Variants in TLX2 observed in about 807,000 individuals in gnomAD.
The protein encoded by TLX2 is T-cell leukemia homeobox protein 2.
A neutral mutation model predicts 21.7 loss-of-function variants in TLX2; 15 were observed. That is an observed-to-expected ratio of 0.69 (90% CI 0.46 to 1.07). TLX2 has a LOEUF of 1.07. Among genes scored for constraint, TLX2 ranks in the 50% least tolerant of loss-of-function variants. The pLI is 0.00. For missense variants in TLX2, 384 were observed against 409.1 expected (o/e 0.94, Z 0.53); for synonymous variants, 213 against 193.1 (o/e 1.10, Z -0.85).
chr2:74,516,440 G>A lies in TLX2; in HGVS notation c.*251G>A. 1 of 1,390,044 alleles carries A rather than the reference G, an allele frequency of 7.2e-7. No individual in the cohort carries two copies. The highest frequency in any genetic ancestry group is 9.4e-7 in the Non-Finnish European group (1 of 1,068,354). 86.1% of individuals were successfully genotyped at this position (1,390,044 alleles called of 1,614,324 possible). ...CCCTCGCTGGAACCTGAGGCGCCGA[G>A]AGGGCGGGACCTGCAGGACAGTAGC... On this transcript the variant is annotated 3_prime_UTR_variant, in exon 3 of 3. Coordinates refer to ENST00000233638, the MANE Select transcript of TLX2 (RefSeq NM_016170.5).
rs1259734386 is a variant in TLX2, at chr2:74,516,492, C to T, written c.*303C>T. On this transcript the variant is annotated 3_prime_UTR_variant, in exon 3 of 3. Coordinates refer to ENST00000233638, the MANE Select transcript of TLX2 (RefSeq NM_016170.5). The stretch of plus-strand genomic sequence containing the variant: ...AATGAGGTGCGGGGAGGGGGCCGGG[C>T]TGGCCAATGGGAGCTGCTTTCCTGA... 1.6e-6 allele frequency: 2 copies of T among 1,272,656 alleles called. No homozygotes were observed. Among genetic ancestry groups the T allele is most frequent in the African/African-American group, 1.6e-5 (1 of 63,448 alleles). The allele number at this position is 1,272,656 out of a possible 1,614,324, so 78.8% of individuals were successfully genotyped here.
rs1674860637 is a variant in TLX2 at position 74,515,518 on chromosome 2, G to A, written c.401-115G>A. On this transcript the variant is annotated intron_variant, in intron 1 of 2. Coordinates refer to ENST00000233638, the MANE Select transcript of TLX2 (RefSeq NM_016170.5). The surrounding 1 kb of genome is among the most constrained non-coding windows in gnomAD (Gnocchi z 6.6). ...GCTATAGGGCTCGGCTGATGCTTAGGGCCCGGGTAAGGACAGGGCGCGGGA... is the reference window on the plus strand; with the variant it reads ...GCTATAGGGCTCGGCTGATGCTTAGAGCCCGGGTAAGGACAGGGCGCGGGA... 5.1e-6 allele frequency: 6 copies of A among 1,179,256 alleles called. No individual in the cohort carries two copies. Among genetic ancestry groups the A allele is most frequent in the Non-Finnish European group, 7.2e-6 (6 of 832,058 alleles). 73.0% of individuals were successfully genotyped at this position (1,179,256 alleles called of 1,614,324 possible). A position where few individuals can be genotyped will look rare whatever the true frequency, so the allele number is the denominator to read the frequency against.
At position 74,516,347 on chromosome 2, in the gene TLX2, C is replaced by T. The variant is rs1211621844; in HGVS notation, c.*158C>T. ...CACCACCGGCCGGCTCCCAAGCCAG[C>T]GTTGCGCAGATGCACGGCCAGCTCA... On this transcript the variant is annotated 3_prime_UTR_variant, in exon 3 of 3. Coordinates refer to ENST00000233638, the MANE Select transcript of TLX2 (RefSeq NM_016170.5). 18 of 1,520,814 alleles carry T rather than the reference C, an allele frequency of 1.2e-5. No homozygotes were observed. Among genetic ancestry groups the T allele is most frequent in the Admixed American group, 2.0e-5 (1 of 49,690 alleles). 94.2% of individuals were successfully genotyped at this position (1,520,814 alleles called of 1,614,324 possible).
Position 74,516,086 on chromosome 2 carries a change from C to T in TLX2, c.752C>T (p.Pro251Leu). The change falls in exon 3 of 3, where the codon CCT becomes CTT. Residue 251 changes from proline (P) to leucine (L), a missense_variant. Pro to Leu is a moderately conservative substitution (Grantham distance 98). Transcript: ENST00000233638. The stretch of plus-strand genomic sequence containing the variant: ...CTGCGGCCGCCGCTGCCCCCGGACC[C>T]TCTCTGCCTGCACAACTCGTCGCTC... ...RPLRPPLPPD[P>L]LCLHNSSLFA... 6.2e-7 allele frequency: 1 copy of T among 1,607,022 alleles called. No individual in the cohort carries two copies. Among genetic ancestry groups the T allele is most frequent in the South Asian group, 1.1e-5 (1 of 90,426 alleles).
At position 74,516,078 on chromosome 2, in the gene TLX2, C is replaced by T. The variant is rs762034413; in HGVS notation, c.744C>T (p.Pro248=). ...CACGGCCGCTGCGGCCGCCGCTGCC[C>T]CCGGACCCTCTCTGCCTGCACAACT... ...ALPRPLRPPL[P]PDPLCLHNSS... is the part of the protein sequence containing the mutation. The change falls in exon 3 of 3, where the codon CCC becomes CCT. Residue 248 remains proline (P), a synonymous_variant. Transcript: ENST00000233638. The T allele has an allele frequency of 1.2e-6, 2 of 1,601,390 alleles. No individual in the cohort carries two copies. The highest frequency in any genetic ancestry group is 2.7e-5 in the African/African-American group (2 of 73,390).
chr2:74,516,282 GA>G lies in TLX2; in HGVS notation c.*94del, dbSNP rs1333650542. ...ATGGTCTAGTGGCAGCCGGGCGCGT[GA>G]GGAGCGGCAGGCCTTGAGGCTGTCG... is the stretch of plus-strand genomic sequence containing the variant. On this transcript the variant is annotated 3_prime_UTR_variant, in exon 3 of 3. Coordinates refer to ENST00000233638, the MANE Select transcript of TLX2 (RefSeq NM_016170.5). The G allele has an allele frequency of 4.6e-6, 7 of 1,532,088 alleles. No homozygotes were observed. The African/African-American group carries it at 9.7e-5, about 21-fold the overall frequency. The allele number at this position is 1,532,088 out of a possible 1,614,324, so 94.9% of individuals were successfully genotyped here. A position where few individuals can be genotyped will look rare whatever the true frequency, so the allele number is the denominator to read the frequency against.
Position 74,515,527 on chromosome 2 carries a change from A to T in TLX2, c.401-106A>T. The T allele has an allele frequency of 8.2e-7, 1 of 1,225,044 alleles. No individual in the cohort carries two copies. Among genetic ancestry groups the T allele is most frequent in the South Asian group, 1.4e-5 (1 of 70,246 alleles). The allele number at this position is 1,225,044 out of a possible 1,614,324, so 75.9% of individuals were successfully genotyped here. The stretch of plus-strand genomic sequence containing the variant: ...CTCGGCTGATGCTTAGGGCCCGGGT[A>T]AGGACAGGGCGCGGGAGTTCTGCGG... On this transcript the variant is annotated intron_variant, in intron 1 of 2. Transcript: ENST00000233638. This position sits in a 1 kb window ranked among gnomAD's most constrained non-coding sequence, Gnocchi z 6.6.
chr2:74,515,786 C>T lies in TLX2; in HGVS notation c.554C>T (p.Ala185Val), dbSNP rs746483783. 29 of 1,613,058 alleles carry T rather than the reference C, an allele frequency of 1.8e-5. 1 individual carries two copies. The South Asian group carries it at 2.9e-4, about 16-fold the overall frequency. ...CTGCGCCAGAAGTACCTGGCCTCTGCGGAGAGGGCGGCGCTGGCCAAGGCC... is the reference window on the plus strand; with the variant it reads ...CTGCGCCAGAAGTACCTGGCCTCTGTGGAGAGGGCGGCGCTGGCCAAGGCC... ...RFLRQKYLAS[A>V]ERAALAKALR... The change falls in exon 2 of 3, where the codon GCG becomes GTG. Residue 185 changes from alanine to valine, a missense_variant. Ala to Val is a moderately conservative substitution (Grantham distance 64, BLOSUM62 0). Coordinates refer to ENST00000233638, the MANE Select transcript of TLX2 (RefSeq NM_016170.5). The surrounding 1 kb of genome is among the most constrained non-coding windows in gnomAD (Gnocchi z 6.6).
At position 74,515,256 on chromosome 2, in the gene TLX2, C is replaced by A. The variant is rs1339131589; in HGVS notation, c.400+50C>A. 6 of 1,535,072 alleles carry A rather than the reference C, an allele frequency of 3.9e-6. No individual in the cohort carries two copies. In the Admixed American group the frequency reaches 1.2e-4, roughly 30 times the overall value. ...GTCACGCCCGACTCTGACCCCGTCTCCTCATTTCTTAGCTTTCTGCTCCAA... is the reference window on the plus strand; with the variant it reads ...GTCACGCCCGACTCTGACCCCGTCTACTCATTTCTTAGCTTTCTGCTCCAA... On this transcript the variant is annotated intron_variant, in intron 1 of 2. Transcript: ENST00000233638. This position sits in a 1 kb window ranked among gnomAD's most constrained non-coding sequence, Gnocchi z 6.6.
rs745339026 is a variant in TLX2 at position 74,515,946 on chromosome 2, C to G, written c.639-27C>G. On this transcript the variant is annotated intron_variant, in intron 2 of 2. Coordinates refer to ENST00000233638, the MANE Select transcript of TLX2 (RefSeq NM_016170.5). This position sits in a 1 kb window ranked among gnomAD's most constrained non-coding sequence, Gnocchi z 6.6. ...GTGAGAAGCGACGCGGCGGGCGCCC[C>G]GCTGACCCCGCGTCTCCCTCCCTTA... 2 of 1,481,898 alleles carry G rather than the reference C, an allele frequency of 1.3e-6. No homozygotes were observed. Among genetic ancestry groups the G allele is most frequent in the Non-Finnish European group, 1.8e-6 (2 of 1,124,224 alleles). The allele number at this position is 1,481,898 out of a possible 1,614,324, so 91.8% of individuals were successfully genotyped here.
rs750690618 is a variant in TLX2 at position 74,514,771 on chromosome 2, C to A, written c.-36C>A. ...CGCTGCCTGAGGCATCCTCCCCAACCACCGAACCTCCGGCGGTTCTCCTCG... is the reference window on the plus strand; with the variant it reads ...CGCTGCCTGAGGCATCCTCCCCAACAACCGAACCTCCGGCGGTTCTCCTCG... On this transcript the variant is annotated 5_prime_UTR_variant, in exon 1 of 3. Coordinates refer to ENST00000233638, the MANE Select transcript of TLX2 (RefSeq NM_016170.5). The surrounding 1 kb of genome is among the most constrained non-coding windows in gnomAD (Gnocchi z 5.0). 6.2e-7 allele frequency: 1 copy of A among 1,611,040 alleles called. No individual in the cohort carries two copies. The highest frequency in any genetic ancestry group is 8.5e-7 in the Non-Finnish European group (1 of 1,179,160).
rs1674834845 is a variant in TLX2, at chr2:74,514,697, G to T, written c.-110G>T. 5 of 1,548,266 alleles carry T rather than the reference G, an allele frequency of 3.2e-6. No individual in the cohort carries two copies. Among genetic ancestry groups the T allele is most frequent in the Non-Finnish European group, 4.4e-6 (5 of 1,147,954 alleles). ...CCGGCGCCCTGCCTTGGCCAGCCCC[G>T]CGGGCCCCTGAGGCCACTCTCCGGA... On this transcript the variant is annotated 5_prime_UTR_variant, in exon 1 of 3. Coordinates refer to ENST00000233638, the MANE Select transcript of TLX2 (RefSeq NM_016170.5). This position sits in a 1 kb window ranked among gnomAD's most constrained non-coding sequence, Gnocchi z 5.0.
chr2:74,516,804 A>G lies in TLX2; in HGVS notation c.*615A>G, dbSNP rs1674899943. The G allele has an allele frequency of 6.3e-6, 1 of 157,584 alleles. No individual in the cohort carries two copies. The highest frequency in any genetic ancestry group is 2.4e-5 in the African/African-American group (1 of 41,484). 9.8% of individuals were successfully genotyped at this position (157,584 alleles called of 1,614,324 possible). Reference sequence around the variant, plus strand: ...GTCATGTGTGTTCAGCCTGCTGGCCACATCCTCCGGCAACACGCCCGGGCA... The same window carrying G: ...GTCATGTGTGTTCAGCCTGCTGGCCGCATCCTCCGGCAACACGCCCGGGCA... On this transcript the variant is annotated 3_prime_UTR_variant, in exon 3 of 3. Transcript: ENST00000233638.
Position 74,515,190 on chromosome 2 carries a change from C to T in TLX2, c.384C>T (p.Ala128=). The T allele has an allele frequency of 6.5e-7, 1 of 1,541,208 alleles. No homozygotes were observed. Among genetic ancestry groups the T allele is most frequent in the Non-Finnish European group, 8.7e-7 (1 of 1,148,064 alleles). The change falls in exon 1 of 3, where the codon GCC becomes GCT. Residue 128 remains alanine, a synonymous_variant. Coordinates refer to ENST00000233638, the MANE Select transcript of TLX2 (RefSeq NM_016170.5). This position sits in a 1 kb window ranked among gnomAD's most constrained non-coding sequence, Gnocchi z 6.6. The part of the protein sequence containing the change: ...FPWMDSGRRF[A]KDRLTAALSP... ...GGATGGACAGCGGCCGCCGCTTTGC[C>T]AAGGACCGGCTCACGGGTGAGGTTG...
At position 74,516,277 on chromosome 2, in the gene TLX2, C is replaced by T. The variant is rs766748210; in HGVS notation, c.*88C>T. The T allele has an allele frequency of 1.9e-5, 29 of 1,535,494 alleles. No homozygotes were observed. Among genetic ancestry groups the T allele is most frequent in the Non-Finnish European group, 2.4e-5 (27 of 1,145,892 alleles). On this transcript the variant is annotated 3_prime_UTR_variant, in exon 3 of 3. Transcript: ENST00000233638. ...CGTCCATGGTCTAGTGGCAGCCGGG[C>T]GCGTGAGGAGCGGCAGGCCTTGAGG... is the stretch of plus-strand genomic sequence containing the variant.
chr2:74,515,876 G>C lies in TLX2; in HGVS notation c.638+6G>C, dbSNP rs745439639. 5.0e-6 allele frequency: 8 copies of C among 1,602,096 alleles called. No homozygotes were observed. Among genetic ancestry groups the C allele is most frequent in the Middle Eastern group, 1.7e-4 (1 of 6,038 alleles). ...AACCGACGCACCAAGTGGCGGTGAG[G>C]CGCGGCGCGGGCGAGGGCGGACTGG... On this transcript the variant is annotated splice_donor_region_variant and intron_variant, in intron 2 of 2. Transcript: ENST00000233638. This position sits in a 1 kb window ranked among gnomAD's most constrained non-coding sequence, Gnocchi z 6.6.
Position 74,515,558 on chromosome 2 carries a change from A to G in TLX2, c.401-75A>G. 2.8e-6 allele frequency: 4 copies of G among 1,438,274 alleles called. No homozygotes were observed. The highest frequency in any genetic ancestry group is 2.3e-5 in the East Asian group (1 of 43,574). 89.1% of individuals were successfully genotyped at this position (1,438,274 alleles called of 1,614,324 possible). A position where few individuals can be genotyped will look rare whatever the true frequency, so the allele number is the denominator to read the frequency against. On this transcript the variant is annotated intron_variant, in intron 1 of 2. Coordinates refer to ENST00000233638, the MANE Select transcript of TLX2 (RefSeq NM_016170.5). The surrounding 1 kb of genome is among the most constrained non-coding windows in gnomAD (Gnocchi z 6.6). ...AGGGCGCGGGAGTTCTGCGGCCTGG[A>G]CAGCCGCGCGGCCTTCTCAGTGGCA...
chr2:74,515,869 C>T lies in TLX2; in HGVS notation c.637C>T (p.Arg213Trp), dbSNP rs1290246504. ...TWFQNRRTKW[R>W]RQTAEEREAE... ...GTTCCAGAACCGACGCACCAAGTGG[C>T]GGTGAGGCGCGGCGCGGGCGAGGGC... The change falls in exon 2 of 3, where the codon CGG becomes TGG. Residue 213 changes from arginine (R) to tryptophan (W), a missense_variant and splice_region_variant. By Grantham distance (101) the Arg-to-Trp change is moderately radical. Transcript: ENST00000233638. This position sits in a 1 kb window ranked among gnomAD's most constrained non-coding sequence, Gnocchi z 6.6. 4 of 1,602,446 alleles carry T rather than the reference C, an allele frequency of 2.5e-6. No individual in the cohort carries two copies. Among genetic ancestry groups the T allele is most frequent in the East Asian group, 2.3e-5 (1 of 44,360 alleles).
chr2:74,516,246 T>G lies in TLX2; in HGVS notation c.*57T>G. 2 of 1,568,144 alleles carry G rather than the reference T, an allele frequency of 1.3e-6. No individual in the cohort carries two copies. The highest frequency in any genetic ancestry group is 1.7e-6 in the Non-Finnish European group (2 of 1,160,478). On this transcript the variant is annotated 3_prime_UTR_variant, in exon 3 of 3. Transcript: ENST00000233638. Reference sequence around the variant, plus strand: ...GGCCCGGAGCGGTGGAGCGCGCGGCTGCCTGCGTCCATGGTCTAGTGGCAG... The same window carrying G: ...GGCCCGGAGCGGTGGAGCGCGCGGCGGCCTGCGTCCATGGTCTAGTGGCAG...
Sources: gnomAD v4.1 joint callset for allele counts on GRCh38, gnomAD v4.1.1 for gene constraint, Gnocchi (gnomAD v3.1) non-coding constraint, MANE v1.5 for transcripts, NCBI Gene and HGNC (gene_info 2026-07-23, HGNC 2026-07-21) for gene names.